The following HCN1 variants were observed in gnomAD, a reference collection of about 807,000 sequenced individuals.
HCN1 encodes the protein hyperpolarization activated cyclic nucleotide gated potassium channel 1, also known as potassium/sodium hyperpolarization-activated cyclic nucleotide-gated channel 1.
In HCN1, 13 loss-of-function variants were observed where a neutral mutation model predicts 78.9. The observed-to-expected ratio is 0.16, with a 90% CI of 0.11 to 0.26. HCN1 has a LOEUF of 0.26. Ranked by LOEUF, HCN1 falls within the 10% of genes least tolerant of loss-of-function variation. The probability of loss-of-function intolerance (pLI) is 1.00; values close to 1 mark genes in which losing one functional copy is unlikely to be tolerated. For synonymous variants in HCN1, 552 were observed against 455.5 expected, an observed-to-expected ratio of 1.21 and a Z score of -2.70; for missense variants, 810 against 1,154.3, an observed-to-expected ratio of 0.70 and a Z score of 4.32.
intron 1 of HCN1, among the ~76,000 whole-genome samples, chr5:45,651,484 C>T (rs1291933942): frequency 6.6e-6 from 1 of 151,852 alleles, no homozygotes; most frequent in Non-Finnish European, 1.5e-5. Flanking sequence ...ACTTATCAAC[C>T]TGCATAAATA....
intron 6 of HCN1, among the ~76,000 whole-genome samples, chr5:45,283,859 C>T (rs75835926): frequency 6.6e-6 from 1 of 152,068 alleles, no homozygotes; most frequent in Non-Finnish European, 1.5e-5. Flanking sequence ...GATTGCAGCA[C>T]TATGCACAAT....
chr5:45,540,502 C>G (rs1271022734), intron 2 of HCN1, among the ~76,000 whole-genome samples: 1 of 151,798 alleles, frequency 6.6e-6, no homozygotes, highest in Non-Finnish European at 1.5e-5. Context: ...CTAATTTTTA[C>G]ATTTTTCTGT....
chr5:45,265,736 T>G (rs1034832300), intron 7 of HCN1, among the ~76,000 whole-genome samples: 1 of 152,198 alleles, frequency 6.6e-6, no homozygotes, highest in Non-Finnish European at 1.5e-5. Context: ...CTTTTTTGAG[T>G]TCATTTATTC....
At position 45,263,263 on chromosome 5, in the gene HCN1, C is replaced by A. The variant is rs184049976; in HGVS notation, c.1784-453G>T. On this transcript the variant is annotated intron_variant, in intron 7 of 7. Coordinates refer to ENST00000303230, the MANE Select transcript of HCN1 (RefSeq NM_021072.4). ...ACCTTAGGTAGATGATTTTATGTAA[C>A]CCGCGACCCTGTCAGATAGGTGTGT... 6.0e-4 allele frequency among the ~76,000 whole-genome samples: 91 copies of A among 152,134 alleles called. 1 individual carries two copies. The East Asian group carries it at 0.01, about 17-fold the overall frequency.
At chr5:45,283,680 T>C (rs1339611353) in intron 6 of HCN1, among the ~76,000 whole-genome samples, 1 of 152,204 alleles carries the variant, frequency 6.6e-6, no homozygotes, top group Non-Finnish European at 1.5e-5. Context: ...GAAACACTTA[T>C]ACACTGTTGG....
intron 2 of HCN1, among the ~76,000 whole-genome samples, chr5:45,513,780 C>T (rs753436598): frequency 1.3e-5 from 2 of 152,140 alleles, no homozygotes; most frequent in Non-Finnish European, 2.9e-5. Flanking sequence ...TCCATGAGAC[C>T]AGTCCCTGGT....
At chr5:45,265,906 A>G (rs1344652183) in intron 7 of HCN1, among the ~76,000 whole-genome samples, 6 of 152,176 alleles carry the variant, frequency 3.9e-5, no homozygotes, top group Non-Finnish European at 7.3e-5. Context: ...AGGCTATAGG[A>G]GAATGCATCC....
intron 5 of HCN1, among the ~76,000 whole-genome samples, chr5:45,305,543 C>T (rs1435995619): frequency 1.3e-5 from 2 of 152,062 alleles, no homozygotes; most frequent in Non-Finnish European, 2.9e-5. Flanking sequence ...CCACGATTGG[C>T]TGTATCTAGG....
intron 2 of HCN1, among the ~76,000 whole-genome samples, chr5:45,516,689 A>G (rs559596726): frequency 1.4e-3 from 216 of 152,034 alleles, no homozygotes; most frequent in Non-Finnish European, 1.8e-3. Context: ...CACCATAGAA[A>G]AATTTGATTA....
At chr5:45,452,295 T>C (rs1227685821) in intron 3 of HCN1, among the ~76,000 whole-genome samples, 1 of 151,586 alleles carries the variant, frequency 6.6e-6, no homozygotes, top group African/African-American at 2.4e-5. Context: ...GGCACCTAGC[T>C]GGTAAATACT....
intron 6 of HCN1, among the ~76,000 whole-genome samples, chr5:45,273,607 C>T (rs1012555636): frequency 1.3e-5 from 2 of 152,112 alleles, no homozygotes; most frequent in African/African-American, 4.8e-5. Flanking sequence ...ACCTGAGCTT[C>T]TAGAATTTTG....
intron 4 of HCN1, among the ~76,000 whole-genome samples, chr5:45,373,243 T>C (rs1383765121): frequency 8.3e-6 from 1 of 120,086 alleles, no homozygotes; most frequent in Non-Finnish European, 1.6e-5. Flanking sequence ...ACATTATATA[T>C]AATATATATT....
chr5:45,695,665 T>C lies in HCN1; in HGVS notation c.425+4A>G. 1 of 1,611,346 alleles carries C rather than the reference T, an allele frequency of 6.2e-7. No individual in the cohort carries two copies. Among genetic ancestry groups the C allele is most frequent in the Non-Finnish European group, 8.5e-7 (1 of 1,179,038 alleles). ...AGGGTGGGGCGGCGACCGGGAGCCCTCACCTGAAATCACTGTAAGGGTGGA... is the reference window on the plus strand; with the variant it reads ...AGGGTGGGGCGGCGACCGGGAGCCCCCACCTGAAATCACTGTAAGGGTGGA... On this transcript the variant is annotated splice_donor_region_variant and intron_variant, in intron 1 of 7. Transcript: ENST00000303230.
Position 45,334,113 on chromosome 5 carries a change from T to C in HCN1, c.1377+18987A>G, listed in dbSNP as rs1043131058. On this transcript the variant is annotated intron_variant, in intron 5 of 7. Transcript: ENST00000303230. ...TTATTATAACTATAGAAATAAGGCA[T>C]GGTTTATTATAACAATAAAAACAAG... Among the ~76,000 whole-genome samples, 7 of 152,030 alleles carry C rather than the reference T, an allele frequency of 4.6e-5. 1 individual carries two copies. In the South Asian group the frequency reaches 1.5e-3, roughly 32 times the overall value.
chr5:45,615,072 C>G (rs1744916458), intron 2 of HCN1, among the ~76,000 whole-genome samples: 1 of 151,450 alleles, frequency 6.6e-6, no homozygotes, highest in South Asian at 2.1e-4. Flanking sequence ...GAGCTAAAAA[C>G]AAAACAAAAC....
At chr5:45,545,151 T>C (rs1743185523) in intron 2 of HCN1, among the ~76,000 whole-genome samples, 1 of 152,230 alleles carries the variant, frequency 6.6e-6, no homozygotes. Context: ...CTAACTGGTG[T>C]GAGATGGTAT....
chr5:45,636,005 T>C (rs568075446), intron 2 of HCN1, among the ~76,000 whole-genome samples: 2 of 152,314 alleles, frequency 1.3e-5, no homozygotes, highest in East Asian at 3.9e-4. Flanking sequence ...TAGAAAATGA[T>C]AGTAAAAAAG....
intron 2 of HCN1, among the ~76,000 whole-genome samples, chr5:45,587,998 C>G (rs1744270797): frequency 6.6e-6 from 1 of 152,120 alleles, no homozygotes; most frequent in African/African-American, 2.4e-5. Flanking sequence ...GGGCCCTCAT[C>G]AGAACCTGAC....
At chr5:45,491,289 C>T (rs754563737) in intron 2 of HCN1, among the ~76,000 whole-genome samples, 28 of 152,110 alleles carry the variant, frequency 1.8e-4, no homozygotes, top group Non-Finnish European at 3.4e-4. Context: ...TTACGTCAAG[C>T]TTTATCCAAA....
Sources: allele counts gnomAD v4.1 joint callset (sites outside exome capture counted in the v4.1 genomes callset), GRCh38; gene constraint gnomAD v4.1.1; transcripts MANE v1.5; gene names NCBI Gene and HGNC (gene_info 2026-07-23, HGNC 2026-07-21).